The following DACH1 variants were observed in gnomAD, a reference collection of about 807,000 sequenced individuals.
The protein encoded by DACH1 is dachshund family transcription factor 1, also known as dachshund homolog 1.
DACH1 carries 12 observed loss-of-function variants against 54.2 expected under a neutral mutation model. That is an observed-to-expected ratio of 0.22 (90% CI 0.14 to 0.36). The LOEUF is 0.36. DACH1 is among the 10% of genes least tolerant of loss of function. The pLI is 1.00. For synonymous variants in DACH1, 386 were observed against 366.2 expected, an observed-to-expected ratio of 1.05 and a Z score of -0.62; for missense variants, 805 against 929.8, an observed-to-expected ratio of 0.87 and a Z score of 1.75.
chr13:71,663,854 T>C (rs1317997659), intron 2 of DACH1, among the ~76,000 whole-genome samples: 1 of 151,722 alleles, frequency 6.6e-6, no homozygotes, highest in Non-Finnish European at 1.5e-5. Context: ...AATATGGCCA[T>C]GTAGATTTCC....
At chr13:71,802,341 C>A (rs984161718) in intron 1 of DACH1, among the ~76,000 whole-genome samples, 9 of 152,028 alleles carry the variant, frequency 5.9e-5, no homozygotes, top group Non-Finnish European at 1.2e-4. Flanking sequence ...CAGTGGCTAA[C>A]TGGGTTTGTG....
intron 3 of DACH1, among the ~76,000 whole-genome samples, chr13:71,621,770 T>C (rs1876255512): frequency 6.6e-6 from 1 of 152,086 alleles, no homozygotes; most frequent in Non-Finnish European, 1.5e-5. Flanking sequence ...TGCAGCGATA[T>C]TAACTAACAG....
At chr13:71,579,803 T>C (rs909535663) in intron 3 of DACH1, among the ~76,000 whole-genome samples, 14 of 152,112 alleles carry the variant, frequency 9.2e-5, no homozygotes, top group African/African-American at 3.4e-4. Flanking sequence ...AAGAGAGAGA[T>C]AACTATATCA....
chr13:71,862,741 T>C (rs545341569), intron 1 of DACH1, among the ~76,000 whole-genome samples: 5 of 152,194 alleles, frequency 3.3e-5, no homozygotes, highest in African/African-American at 1.2e-4. Context: ...TGAGCCACTT[T>C]GAGCAAGTTT....
intron 1 of DACH1, among the ~76,000 whole-genome samples, chr13:71,811,248 G>T (rs1887696915): frequency 6.6e-6 from 1 of 152,002 alleles, no homozygotes; most frequent in African/African-American, 2.4e-5. Flanking sequence ...TTTAAGACTA[G>T]TGTTACTGCT....
chr13:71,682,754 C>G (rs999057948), intron 1 of DACH1, among the ~76,000 whole-genome samples: 2 of 152,122 alleles, frequency 1.3e-5, no homozygotes, highest in Non-Finnish European at 2.9e-5. Flanking sequence ...TTTAGCAGTA[C>G]TGTACTTTAC....
At chr13:71,755,144 C>T (rs1566480811) in intron 1 of DACH1, among the ~76,000 whole-genome samples, 1 of 152,168 alleles carries the variant, frequency 6.6e-6, no homozygotes, top group South Asian at 2.1e-4. Flanking sequence ...ACAGAGTTGC[C>T]GATATCTCCC....
intron 2 of DACH1, among the ~76,000 whole-genome samples, chr13:71,646,753 AATG>A (rs1878300850): frequency 6.6e-6 from 1 of 152,258 alleles, no homozygotes; most frequent in African/African-American, 2.4e-5. Flanking sequence ...AATTTGTGAT[AATG>A]ATAAGAATGC....
intron 1 of DACH1, among the ~76,000 whole-genome samples, chr13:71,742,926 T>G (rs1884458270): frequency 6.6e-6 from 1 of 152,206 alleles, no homozygotes; most frequent in African/African-American, 2.4e-5. Context: ...TAGAAATTTA[T>G]GAATCTTGTG....
chr13:71,493,851 T>A (rs1879192517), intron 6 of DACH1, among the ~76,000 whole-genome samples: 1 of 152,150 alleles, frequency 6.6e-6, no homozygotes, highest in Non-Finnish European at 1.5e-5. Context: ...AATTATTAAT[T>A]TCAAAGATTT....
chr13:71,527,163 T>C (rs919817744), intron 6 of DACH1, among the ~76,000 whole-genome samples: 1 of 151,842 alleles, frequency 6.6e-6, no homozygotes, highest in Non-Finnish European at 1.5e-5. Context: ...ATTTCAATTA[T>C]TTAAATTAGT....
intron 1 of DACH1, among the ~76,000 whole-genome samples, chr13:71,700,667 GGTTAA>G (rs1422739378): frequency 1.3e-5 from 2 of 151,406 alleles, no homozygotes; most frequent in African/African-American, 4.9e-5. Context: ...ACTTGCCATA[GGTTAA>G]GTTAAGTCAC....
chr13:71,720,292 G>A (rs1046676449), intron 1 of DACH1, among the ~76,000 whole-genome samples: 2 of 152,164 alleles, frequency 1.3e-5, no homozygotes, highest in Non-Finnish European at 2.9e-5. Context: ...CAGACATTTG[G>A]ACTTCACTGA....
intron 6 of DACH1, among the ~76,000 whole-genome samples, chr13:71,524,801 G>T (rs1398562650): frequency 6.6e-6 from 1 of 151,642 alleles, no homozygotes; most frequent in Non-Finnish European, 1.5e-5. Flanking sequence ...TTTTTTTAAC[G>T]TTCCCTATAT....
intron 8 of DACH1, among the ~76,000 whole-genome samples, chr13:71,476,115 G>A (rs570335788): frequency 6.6e-6 from 1 of 152,060 alleles, no homozygotes; most frequent in African/African-American, 2.4e-5. Context: ...AATTTAATAG[G>A]AAACTAATTT....
intron 10 of DACH1, among the ~76,000 whole-genome samples, chr13:71,457,212 C>T (rs1264569352): frequency 3.3e-5 from 5 of 151,932 alleles, no homozygotes; most frequent in Non-Finnish European, 7.4e-5. Context: ...TTGTTTATGA[C>T]TCTATTCAAT....
At chr13:71,705,267 A>G (rs896127516) in intron 1 of DACH1, among the ~76,000 whole-genome samples, 7 of 152,188 alleles carry the variant, frequency 4.6e-5, no homozygotes, top group Non-Finnish European at 7.4e-5. Flanking sequence ...TAAGATTTTT[A>G]TCTTTATTTA....
intron 2 of DACH1, among the ~76,000 whole-genome samples, chr13:71,631,494 C>A (rs1250304890): frequency 6.6e-6 from 1 of 152,148 alleles, no homozygotes; most frequent in African/African-American, 2.4e-5. Context: ...TGCTACACAG[C>A]TTGCTATTCC....
chr13:71,852,260 G>C (rs1873716136), intron 1 of DACH1, among the ~76,000 whole-genome samples: 1 of 152,116 alleles, frequency 6.6e-6, no homozygotes, highest in African/African-American at 2.4e-5. Flanking sequence ...TCCCTTCCTT[G>C]CTCTTCGCGA....
Sources: gnomAD v4.1 joint callset for allele counts (sites outside exome capture counted in the v4.1 genomes callset) on GRCh38, gnomAD v4.1.1 for gene constraint, MANE v1.5 for transcripts, NCBI Gene and HGNC (gene_info 2026-07-23, HGNC 2026-07-21) for gene names.